TMIGD3: variants seen among roughly 807,000 people sequenced by gnomAD.
The protein encoded by TMIGD3 is transmembrane and immunoglobulin domain containing 3.
TMIGD3 carries 21 observed loss-of-function variants against 28.1 expected under a neutral mutation model. The ratio of observed to expected loss-of-function variants is 0.75; its 90% CI spans 0.53 to 1.08. TMIGD3 has a LOEUF of 1.08. TMIGD3 is among the 50% of genes least tolerant of loss of function. TMIGD3 has a pLI of 0.00. For synonymous variants in TMIGD3, 151 were observed against 162.1 expected (o/e 0.93, Z 0.52); for missense variants, 416 against 435.6 (o/e 0.96, Z 0.40).
chr1:111,517,736 G>A (rs1333668048), intron 1 of TMIGD3, among the ~76,000 whole-genome samples: 1 of 152,182 alleles, frequency 6.6e-6, no homozygotes, highest in Non-Finnish European at 1.5e-5. Flanking sequence ...TAGATACCTG[G>A]CACCTTGCCC....
intron 1 of TMIGD3, among the ~76,000 whole-genome samples, chr1:111,530,323 GT>G (rs1218606048): frequency 6.6e-6 from 1 of 151,598 alleles, no homozygotes; most frequent in Non-Finnish European, 1.5e-5. Context: ...TAATGTTATT[GT>G]TTTTGTTTTG....
chr1:111,488,894 G>A lies in TMIGD3; in HGVS notation c.588C>T (p.Cys196=), dbSNP rs1428631441. The A allele has an allele frequency of 1.9e-6, 3 of 1,614,196 alleles. No individual in the cohort carries two copies. The highest frequency in any genetic ancestry group is 2.5e-6 in the Non-Finnish European group (3 of 1,180,036). ...YWCRGYFRDY[C]NIIAFSPNST... ...TGTTAGGGGAGAAGGCGATGATGTT[G>A]CAGTAGTCACGGAAATAGCCTCGGC... The change falls in exon 3 of 6, where the codon TGC becomes TGT. Residue 196 remains cysteine, a synonymous_variant. Transcript: ENST00000369716.
chr1:111,489,407 A>AAC (rs1460227046), intron 2 of TMIGD3: 2 of 303,222 alleles, frequency 6.6e-6, no homozygotes, highest in Non-Finnish European at 1.1e-5. Context: ...ATCATCTGCA[A>AAC]ACCGAGAGAT....
chr1:111,512,602 G>C (rs1655728181), intron 1 of TMIGD3, among the ~76,000 whole-genome samples: 1 of 152,206 alleles, frequency 6.6e-6, no homozygotes, highest in South Asian at 2.1e-4. Context: ...CACCACCTTG[G>C]GCAGCTACCA....
upstream of TMIGD3, among the ~76,000 whole-genome samples, chr1:111,507,816 A>C (rs1038839061): frequency 2.6e-5 from 4 of 152,260 alleles, no homozygotes; most frequent in Non-Finnish European, 4.4e-5. Context: ...GCTAGCCGAC[A>C]GCTGAGGCTT....
chr1:111,545,099 T>C lies in TMIGD3; in HGVS notation c.107+18747A>G, dbSNP rs139468660. Among the ~76,000 whole-genome samples, 1,316 of 147,648 alleles carry C rather than the reference T, an allele frequency of 8.9e-3. 25 individuals carry two copies. Among genetic ancestry groups the C allele is most frequent in the African/African-American group, 0.033 (1,260 of 38,572 alleles). ...TTTGGTACATACCCAATTTCTTGGGTATATCCAATTTGGTATATACCCAAT... is the reference window on the plus strand; with the variant it reads ...TTTGGTACATACCCAATTTCTTGGGCATATCCAATTTGGTATATACCCAAT... On this transcript the variant is annotated intron_variant, in intron 1 of 5. Transcript: ENST00000369717.
chr1:111,553,255 A>G (rs1324051328), intron 1 of TMIGD3, among the ~76,000 whole-genome samples: 2 of 152,254 alleles, frequency 1.3e-5, no homozygotes, highest in Non-Finnish European at 2.9e-5. Context: ...GTATGCACAC[A>G]TTCCATTATA....
intron 3 of TMIGD3, 90 bp from the exon 4 acceptor site, chr1:111,486,742 G>A (rs1473395843): frequency 3.7e-6 from 4 of 1,085,890 alleles, no homozygotes; most frequent in Non-Finnish European, 5.7e-6. Flanking sequence ...GTCATTCTAT[G>A]TCCAGAGAGT....
At chr1:111,547,486 A>AAAAT (rs1165527430) in intron 1 of TMIGD3, among the ~76,000 whole-genome samples, 2 of 152,188 alleles carry the variant, frequency 1.3e-5, no homozygotes, top group Non-Finnish European at 2.9e-5. Context: ...ATGGAGTTAA[A>AAAAT]AAATATAAAA....
At chr1:111,551,604 T>C (rs548607252) in intron 1 of TMIGD3, among the ~76,000 whole-genome samples, 113 of 152,346 alleles carry the variant, frequency 7.4e-4, no homozygotes, top group African/African-American at 2.6e-3. Context: ...TTTATAATTA[T>C]TGCTTTATGT....
chr1:111,489,897 T>C (rs1424490541), intron 2 of TMIGD3, among the ~76,000 whole-genome samples: 1 of 152,102 alleles, frequency 6.6e-6, no homozygotes, highest in Non-Finnish European at 1.5e-5. Flanking sequence ...AGCTTGACCA[T>C]GGCAGGGAAA....
At chr1:111,545,351 A>G (rs1656998187) in intron 1 of TMIGD3, among the ~76,000 whole-genome samples, 1 of 151,922 alleles carries the variant, frequency 6.6e-6, no homozygotes, top group Non-Finnish European at 1.5e-5. Flanking sequence ...TGTAGTCTTA[A>G]TTTGCATTTG....
chr1:111,563,347 G>A (rs746330593), intron 1 of TMIGD3, among the ~76,000 whole-genome samples: 41 of 152,178 alleles, frequency 2.7e-4, no homozygotes, highest in Admixed American at 6.5e-5. Context: ...GCAGCTTACT[G>A]TCTATCTGGG....
intron 4 of TMIGD3, 40 bp from the exon 5 acceptor site, chr1:111,485,880 A>C: frequency 6.7e-7 from 1 of 1,500,690 alleles, no homozygotes; most frequent in Non-Finnish European, 9.2e-7. Context: ...GCTTGGAAGA[A>C]ACTGCCTATT....
chr1:111,507,631 C>T (rs1228784076), upstream of TMIGD3, among the ~76,000 whole-genome samples: 2 of 152,232 alleles, frequency 1.3e-5, no homozygotes, highest in African/African-American at 4.8e-5. Context: ...AGCCCTAGAG[C>T]TGGTCCACGG....
chr1:111,492,885 T>C (rs1654733419), intron 1 of TMIGD3, among the ~76,000 whole-genome samples: 1 of 151,954 alleles, frequency 6.6e-6, no homozygotes, highest in Non-Finnish European at 1.5e-5. Context: ...GAATGATGTG[T>C]CTACTAGTAT....
At chr1:111,486,677 T>A in intron 3 of TMIGD3, 25 bp from the exon 4 acceptor site, 1 of 1,605,746 alleles carries the variant, frequency 6.2e-7, no homozygotes, top group East Asian at 2.2e-5. Context: ...ATTTGTTAAG[T>A]CAGGTGAGGC....
chr1:111,525,131 T>C (rs1656219843), intron 1 of TMIGD3, among the ~76,000 whole-genome samples: 1 of 152,224 alleles, frequency 6.6e-6, no homozygotes, highest in South Asian at 2.1e-4. Context: ...TTGAAAAAGA[T>C]ATGTATTCTA....
At chr1:111,521,174 C>G (rs1656048732) in intron 1 of TMIGD3, among the ~76,000 whole-genome samples, 2 of 151,942 alleles carry the variant, frequency 1.3e-5, no homozygotes, top group African/African-American at 4.8e-5. Flanking sequence ...TCGTAATTTG[C>G]TTGTGCATTC....
Sources: gnomAD v4.1 joint callset for allele counts (sites outside exome capture counted in the v4.1 genomes callset) on GRCh38, gnomAD v4.1.1 for gene constraint, MANE v1.5 for transcripts, NCBI Gene and HGNC (gene_info 2026-07-23, HGNC 2026-07-21) for gene names.